The following C1QTNF3 variants were observed in gnomAD, a reference collection of about 807,000 sequenced individuals.
The protein encoded by C1QTNF3 is complement C1q tumor necrosis factor-related protein 3.
In C1QTNF3, 26 loss-of-function variants were observed where a neutral mutation model predicts 32.6. The observed-to-expected ratio is 0.80, with a 90% confidence interval of 0.58 to 1.11. The LOEUF is 1.11. Ranked by LOEUF, C1QTNF3 falls within the 50% of genes least tolerant of loss-of-function variation. C1QTNF3 has a pLI of 0.00. For missense variants in C1QTNF3, 362 were observed against 398.2 expected (o/e 0.91, Z 0.77); for synonymous variants, 155 against 146.0 (o/e 1.06, Z -0.44).
the C1QTNF3 span, chr5:34,124,132 T>G: frequency 3.7e-6 from 1 of 272,896 alleles, no homozygotes; most frequent in Non-Finnish European, 6.8e-6. Context: ...TACTAACAGA[T>G]AAAATATAAC....
chr5:34,196,862 G>A, the C1QTNF3 span, among the ~76,000 whole-genome samples: 7,494 of 148,724 alleles, frequency 0.05, no homozygotes, highest in Non-Finnish European at 0.078. Flanking sequence ...GGGTTTCACC[G>A]TCTTAGTAAG....
At chr5:34,215,992 C>T in the C1QTNF3 span, among the ~76,000 whole-genome samples, 61 of 152,308 alleles carry the variant, frequency 4.0e-4, no homozygotes, top group Admixed American at 2.4e-3. Flanking sequence ...AGGATCCCAA[C>T]CAGCCTGTGA....
the C1QTNF3 span, among the ~76,000 whole-genome samples, chr5:34,067,463 A>G: frequency 2.6e-5 from 4 of 152,240 alleles, no homozygotes; most frequent in Admixed American, 6.5e-5. Context: ...CCTCACTATC[A>G]TGGCAGAAGG....
chr5:34,195,495 A>G, the C1QTNF3 span, among the ~76,000 whole-genome samples: 3 of 151,702 alleles, frequency 2.0e-5, no homozygotes, highest in Admixed American at 2.0e-4. Flanking sequence ...AACAAGTGTA[A>G]TATATCAGCC....
the C1QTNF3 span, among the ~76,000 whole-genome samples, chr5:34,213,666 A>T: frequency 6.9e-6 from 1 of 144,536 alleles, no homozygotes; most frequent in African/African-American, 2.6e-5. Context: ...TAATATAGAT[A>T]TAGCCAGGAC....
At chr5:34,037,060 T>C (rs902358168) in intron 1 of C1QTNF3, among the ~76,000 whole-genome samples, 3 of 152,236 alleles carry the variant, frequency 2.0e-5, no homozygotes, top group African/African-American at 7.2e-5. Flanking sequence ...AAATGCTTAT[T>C]TATACAAAGA....
chr5:34,210,349 T>C, the C1QTNF3 span, among the ~76,000 whole-genome samples: 1 of 151,892 alleles, frequency 6.6e-6, no homozygotes, highest in Non-Finnish European at 1.5e-5. Context: ...GACTACTCTC[T>C]TTAGAAGGAG....
In C1QTNF3 at chr5:34,018,448, C is replaced by T. The variant is rs528976830; in HGVS notation, c.*2135G>A. Reference sequence around the variant, plus strand: ...TGTTTTGTTATCCATGTACTTATTCCCTTTAGCCTATTGTCCTCTACTAGG... The same window carrying T: ...TGTTTTGTTATCCATGTACTTATTCTCTTTAGCCTATTGTCCTCTACTAGG... On this transcript the variant is annotated 3_prime_UTR_variant, in exon 6 of 6. Coordinates refer to ENST00000382065, the MANE Select transcript of C1QTNF3 (RefSeq NM_181435.6). Among the ~76,000 whole-genome samples the T allele has an allele frequency of 4.6e-5, 7 of 152,170 alleles. No homozygotes were observed. The South Asian group carries it at 1.2e-3, about 27-fold the overall frequency.
chr5:34,207,561 A>T, the C1QTNF3 span, among the ~76,000 whole-genome samples: 9 of 152,110 alleles, frequency 5.9e-5, no homozygotes, highest in Non-Finnish European at 1.3e-4. Flanking sequence ...TAATGTAAAT[A>T]ATATACTCAG....
chr5:34,088,974 A>G, the C1QTNF3 span, among the ~76,000 whole-genome samples: 90 of 152,038 alleles, frequency 5.9e-4, 1 homozygote, highest in Middle Eastern at 3.4e-3. Flanking sequence ...ATTCTGGAAC[A>G]CTTTTATAGG....
chr5:34,115,745 A>C, the C1QTNF3 span, among the ~76,000 whole-genome samples: 3 of 151,898 alleles, frequency 2.0e-5, no homozygotes, highest in Admixed American at 1.3e-4. Context: ...AAAAAAAAAA[A>C]AAACTTTCAG....
upstream of C1QTNF3, among the ~76,000 whole-genome samples, chr5:34,046,754 C>T (rs1044200177): frequency 1.3e-5 from 2 of 152,106 alleles, no homozygotes; most frequent in Non-Finnish European, 2.9e-5. Flanking sequence ...TTCAAAACAA[C>T]AACAAAAACA....
the C1QTNF3 span, among the ~76,000 whole-genome samples, chr5:34,080,605 C>T: frequency 6.6e-6 from 1 of 151,708 alleles, no homozygotes; most frequent in Non-Finnish European, 1.5e-5. Context: ...ATACATTTTA[C>T]AGGCAGCCTA....
Position 34,028,800 on chromosome 5 carries a change from T to G in C1QTNF3, c.654A>C (p.Gly218=). The change falls in exon 4 of 6, where the codon GGA becomes GGC. Residue 218 remains glycine, a synonymous_variant. Transcript: ENST00000382065. ...TACCAGTCATGACATCAAAGAAGTTTCCAATGTTGGTCTCAACACTGCTGA... is the reference window on the plus strand; with the variant it reads ...TACCAGTCATGACATCAAAGAAGTTGCCAATGTTGGTCTCAACACTGCTGA... ...IIFSSVETNI[G]NFFDVMTGRF... is the part of the protein sequence containing the mutation. 6.2e-7 allele frequency: 1 copy of G among 1,612,548 alleles called. No individual in the cohort carries two copies. Among genetic ancestry groups the G allele is most frequent in the Non-Finnish European group, 8.5e-7 (1 of 1,179,192 alleles).
At chr5:34,077,630 A>C in the C1QTNF3 span, among the ~76,000 whole-genome samples, 3 of 151,782 alleles carry the variant, frequency 2.0e-5, no homozygotes, top group Admixed American at 2.0e-4. Flanking sequence ...AAACAATAGA[A>C]AAATAATGTA....
At chr5:34,223,442 C>T in the C1QTNF3 span, among the ~76,000 whole-genome samples, 8 of 147,004 alleles carry the variant, frequency 5.4e-5, no homozygotes, top group Non-Finnish European at 1.0e-4. Context: ...GGGTTGGTTC[C>T]AAGTCTTTGC....
At chr5:34,093,164 T>C in the C1QTNF3 span, among the ~76,000 whole-genome samples, 6 of 152,236 alleles carry the variant, frequency 3.9e-5, no homozygotes, top group East Asian at 9.7e-4. Context: ...CAACAATAGC[T>C]ACAATATATG....
the C1QTNF3 span, among the ~76,000 whole-genome samples, chr5:34,134,721 T>C: frequency 2.0e-5 from 3 of 152,108 alleles, no homozygotes; most frequent in Non-Finnish European, 4.4e-5. Context: ...TGGCTCTCTG[T>C]TTGTCTGTTA....
At chr5:34,155,480 A>G in the C1QTNF3 span, among the ~76,000 whole-genome samples, 1 of 152,230 alleles carries the variant, frequency 6.6e-6, no homozygotes, top group African/African-American at 2.4e-5. Flanking sequence ...TTAACTACAC[A>G]GAATGTACCT....
Sources: allele counts gnomAD v4.1 joint callset (sites outside exome capture counted in the v4.1 genomes callset), GRCh38; gene constraint gnomAD v4.1.1; transcripts MANE v1.5; gene names NCBI Gene and HGNC (gene_info 2026-07-23, HGNC 2026-07-21).